PDE4D: variants seen among roughly 807,000 people sequenced by gnomAD.
The protein encoded by PDE4D is phosphodiesterase 4D.
In PDE4D, 24 loss-of-function variants were observed where a neutral mutation model predicts 87.4. That is an observed-to-expected ratio of 0.27 (90% CI 0.20 to 0.39). PDE4D has a LOEUF of 0.39. PDE4D is among the 10% of genes least tolerant of loss of function. The pLI is 1.00. For synonymous variants in PDE4D, 384 were observed against 383.2 expected (o/e 1.00, Z -0.02); for missense variants, 714 against 1,041.0 (o/e 0.69, Z 4.32).
intron 5 of PDE4D, among the ~76,000 whole-genome samples, chr5:59,138,337 GAGTGCAGTGGCACGAGCTC>G (rs917482718): frequency 5.9e-5 from 9 of 152,028 alleles, no homozygotes; most frequent in Non-Finnish European, 1.3e-4. Flanking sequence ...GCCCAGGCTG[GAGTGCAGTGGCACGAGCTC>G]AGCTCACTGC....
chr5:59,415,102 G>T (rs1231853111), intron 1 of PDE4D, among the ~76,000 whole-genome samples: 1 of 152,124 alleles, frequency 6.6e-6, no homozygotes, highest in Non-Finnish European at 1.5e-5. Flanking sequence ...AAAAGGAGAG[G>T]GTAGTGGCAG....
chr5:59,298,328 C>G (rs1400139313), intron 1 of PDE4D, among the ~76,000 whole-genome samples: 1 of 151,992 alleles, frequency 6.6e-6, no homozygotes, highest in African/African-American at 2.4e-5. Flanking sequence ...GTTGACCAGG[C>G]TGGTCCTGAA....
intron 1 of PDE4D, among the ~76,000 whole-genome samples, chr5:59,840,522 T>C (rs1246323152): frequency 1.3e-5 from 2 of 151,626 alleles, no homozygotes; most frequent in Admixed American, 6.6e-5. Flanking sequence ...ATGAAGAGAG[T>C]ATGTCTGGTG....
At chr5:59,645,107 A>T (rs905719397) in intron 1 of PDE4D, among the ~76,000 whole-genome samples, 1 of 152,220 alleles carries the variant, frequency 6.6e-6, no homozygotes, top group African/African-American at 2.4e-5. Context: ...CCCTTGAGAA[A>T]TGGTGCTGAA....
intron 1 of PDE4D, among the ~76,000 whole-genome samples, chr5:59,367,162 AG>A (rs1783198579): frequency 6.6e-6 from 1 of 152,214 alleles, no homozygotes; most frequent in Non-Finnish European, 1.5e-5. Flanking sequence ...TTACAGCAGA[AG>A]TTCTGAGAAA....
Position 60,053,760 on chromosome 5 carries a change from T to C in PDE4D, c.43-65043A>G, listed in dbSNP as rs1770471231. On this transcript the variant is annotated intron_variant, in intron 2 of 16. Transcript: ENST00000502484. Reference sequence around the variant, plus strand: ...CAGAGTGAACAGGCAAACTACAGAATAGGGAACATTTTTGCCATCTATCCA... The same window carrying C: ...CAGAGTGAACAGGCAAACTACAGAACAGGGAACATTTTTGCCATCTATCCA... 2.0e-5 allele frequency among the ~76,000 whole-genome samples: 3 copies of C among 152,060 alleles called. No individual in the cohort carries two copies. In the South Asian group the frequency reaches 6.2e-4, roughly 32 times the overall value.
chr5:60,459,587 CT>C (rs1361000273), intron 1 of PDE4D, among the ~76,000 whole-genome samples: 1 of 152,038 alleles, frequency 6.6e-6, no homozygotes, highest in Non-Finnish European at 1.5e-5. Context: ...GCAGGTTTTT[CT>C]TTTTTCCCAC....
intron 1 of PDE4D, among the ~76,000 whole-genome samples, chr5:59,567,610 T>C (rs1294116920): frequency 6.6e-6 from 1 of 152,172 alleles, no homozygotes; most frequent in African/African-American, 2.4e-5. Context: ...TCTTAAGAGT[T>C]TGCAGGGTAA....
chr5:60,185,936 G>GAAGAAAAA (rs1784743890), intron 1 of PDE4D, among the ~76,000 whole-genome samples: 1 of 139,300 alleles, frequency 7.2e-6, no homozygotes. Flanking sequence ...TTTAGTGGCT[G>GAAGAAAAA]AAAAAAAAAA....
At chr5:60,302,029 G>C (rs1266645543) in intron 1 of PDE4D, among the ~76,000 whole-genome samples, 1 of 152,148 alleles carries the variant, frequency 6.6e-6, no homozygotes, top group Non-Finnish European at 1.5e-5. Context: ...AAGCCAACTT[G>C]ATCATGGTGG....
At chr5:59,115,109 T>C (rs1274917147) in intron 5 of PDE4D, among the ~76,000 whole-genome samples, 1 of 151,586 alleles carries the variant, frequency 6.6e-6, no homozygotes, top group African/African-American at 2.4e-5. Flanking sequence ...GGAGGAGACA[T>C]TGAAGGGGAT....
At chr5:60,147,861 C>T (rs1435535381) in intron 2 of PDE4D, 1 of 449,590 alleles carries the variant, frequency 2.2e-6, no homozygotes, top group Non-Finnish European at 4.5e-6. Flanking sequence ...TGACAGCTAG[C>T]TGCCTCCAGA....
chr5:60,114,711 C>T (rs1357750846), intron 2 of PDE4D, among the ~76,000 whole-genome samples: 1 of 152,102 alleles, frequency 6.6e-6, no homozygotes, highest in Non-Finnish European at 1.5e-5. Flanking sequence ...AACTCTCATC[C>T]ATCATCACTT....
chr5:59,060,304 T>G (rs1479515831), intron 5 of PDE4D, among the ~76,000 whole-genome samples: 1 of 152,122 alleles, frequency 6.6e-6, no homozygotes, highest in Non-Finnish European at 1.5e-5. Context: ...CTGCCAACTT[T>G]CAGATTTTAC....
At chr5:59,468,214 C>T (rs190883350) in intron 1 of PDE4D, among the ~76,000 whole-genome samples, 13 of 152,104 alleles carry the variant, frequency 8.5e-5, no homozygotes, top group Admixed American at 3.9e-4. Flanking sequence ...ACAATCCCTC[C>T]CCACCCTCCC....
intron 1 of PDE4D, among the ~76,000 whole-genome samples, chr5:60,329,718 T>G (rs1757149429): frequency 6.6e-6 from 1 of 151,844 alleles, no homozygotes; most frequent in African/African-American, 2.4e-5. Context: ...AAAAGACCTA[T>G]CTAAAAGTCG....
intron 2 of PDE4D, among the ~76,000 whole-genome samples, chr5:60,183,949 T>C (rs1443503312): frequency 6.6e-6 from 1 of 152,210 alleles, no homozygotes; most frequent in East Asian, 1.9e-4. Flanking sequence ...ATTTTCTTTA[T>C]GCCAGTGGAT....
intron 1 of PDE4D, among the ~76,000 whole-genome samples, chr5:59,655,520 T>C (rs555636351): frequency 1.3e-5 from 2 of 152,298 alleles, no homozygotes; most frequent in South Asian, 4.1e-4. Context: ...TTACAACTTA[T>C]CAGTAACTCC....
chr5:60,159,658 G>A (rs1239559054), intron 2 of PDE4D, among the ~76,000 whole-genome samples: 1 of 151,996 alleles, frequency 6.6e-6, no homozygotes, highest in South Asian at 2.1e-4. Flanking sequence ...ATCCATCACT[G>A]ACCAAAATGT....
Sources: gnomAD v4.1 joint callset for allele counts (sites outside exome capture counted in the v4.1 genomes callset) on GRCh38, gnomAD v4.1.1 for gene constraint, MANE v1.5 for transcripts, NCBI Gene and HGNC (gene_info 2026-07-23, HGNC 2026-07-21) for gene names.